TENM3: variants seen among roughly 807,000 people sequenced by gnomAD.
The protein encoded by TENM3 is teneurin-3.
A neutral mutation model predicts 255.1 loss-of-function variants in TENM3; 63 were observed. That is an observed-to-expected ratio of 0.25 (90% CI 0.20 to 0.30). The LOEUF is 0.30. Among genes scored for constraint, TENM3 ranks in the 10% least tolerant of loss-of-function variants. The pLI is 1.00. For missense variants in TENM3, 2,929 were observed against 3,461.1 expected, an observed-to-expected ratio of 0.85 and a Z score of 3.86; for synonymous variants, 1,306 against 1,322.3, an observed-to-expected ratio of 0.99 and a Z score of 0.27.
intron 1 of TENM3, among the ~76,000 whole-genome samples, chr4:182,214,553 CG>C (rs1450404163): frequency 7.2e-6 from 1 of 138,458 alleles, no homozygotes; most frequent in Non-Finnish European, 1.5e-5. Context: ...TTTTTAGGGA[CG>C]GGGGTCTTGC....
intron 13 of TENM3, 91 bp from the exon 14 acceptor site, chr4:182,728,874 A>G (rs1579261594): frequency 1.3e-4 from 1 of 7,960 alleles, no homozygotes; most frequent in Non-Finnish European, 1.9e-4. Flanking sequence ...ACTTGATGTG[A>G]AAAAAAAAAA....
intron 3 of TENM3, among the ~76,000 whole-genome samples, chr4:182,352,029 A>C (rs1003764890): frequency 1.2e-4 from 19 of 152,192 alleles, no homozygotes; most frequent in Non-Finnish European, 2.6e-4. Context: ...TTAAATAAAC[A>C]ATATCAAGTG....
At chr4:182,542,289 A>G (rs990652506) in intron 3 of TENM3, among the ~76,000 whole-genome samples, 1 of 152,098 alleles carries the variant, frequency 6.6e-6, no homozygotes, top group Non-Finnish European at 1.5e-5. Flanking sequence ...AAATGCCTTG[A>G]GTTCTGGCTC....
At chr4:182,464,499 C>T (rs1251569384) in intron 3 of TENM3, among the ~76,000 whole-genome samples, 4 of 152,146 alleles carry the variant, frequency 2.6e-5, no homozygotes, top group Admixed American at 6.5e-5. Context: ...TCAGGTGATC[C>T]GCCCATCTCT....
the TENM3 span, among the ~76,000 whole-genome samples, chr4:182,106,140 C>T: frequency 6.6e-6 from 1 of 152,146 alleles, no homozygotes; most frequent in African/African-American, 2.4e-5. Context: ...ACCACCAGGG[C>T]AAAGGCCAGA....
chr4:182,213,494 T>C (rs1755192772), intron 1 of TENM3, among the ~76,000 whole-genome samples: 1 of 152,228 alleles, frequency 6.6e-6, no homozygotes, highest in African/African-American at 2.4e-5. Flanking sequence ...CCATAATTCA[T>C]AACAAATGTG....
chr4:182,257,490 C>G (rs554621332), intron 1 of TENM3, among the ~76,000 whole-genome samples: 1 of 152,050 alleles, frequency 6.6e-6, no homozygotes, highest in African/African-American at 2.4e-5. Flanking sequence ...GGGAAAAAAG[C>G]AAAATAATGA....
intron 3 of TENM3, among the ~76,000 whole-genome samples, chr4:182,429,172 C>A (rs1024845690): frequency 1.3e-5 from 2 of 152,090 alleles, no homozygotes; most frequent in African/African-American, 2.4e-5. Flanking sequence ...GTGTGATTTG[C>A]CAATTCACAC....
At chr4:182,228,392 G>GTA (rs59926138) in intron 1 of TENM3, among the ~76,000 whole-genome samples, 28,376 of 104,564 alleles carry the variant, frequency 0.27, 6,633 homozygotes, top group Admixed American at 0.4. Flanking sequence ...GTGTGTGTGT[G>GTA]TATATGTAAT....
chr4:182,109,687 T>C, the TENM3 span, among the ~76,000 whole-genome samples: 1 of 152,170 alleles, frequency 6.6e-6, no homozygotes, highest in South Asian at 2.1e-4. Context: ...CATACTGAGG[T>C]CCGAATTTCA....
the TENM3 span, among the ~76,000 whole-genome samples, chr4:181,676,994 T>G: frequency 6.6e-6 from 1 of 151,430 alleles, no homozygotes; most frequent in Non-Finnish European, 1.5e-5. Flanking sequence ...TTTATCTTTT[T>G]TTTTTTTTTT....
the TENM3 span, among the ~76,000 whole-genome samples, chr4:181,779,370 C>T: frequency 6.6e-6 from 1 of 151,744 alleles, no homozygotes; most frequent in African/African-American, 2.4e-5. Context: ...TTAGCCAGTT[C>T]TAAACAAGAA....
intron 6 of TENM3, among the ~76,000 whole-genome samples, chr4:182,666,387 T>C (rs1754682339): frequency 6.6e-6 from 1 of 152,176 alleles, no homozygotes; most frequent in Admixed American, 6.5e-5. Context: ...AAACCTTTCA[T>C]GAAAAGAGTC....
chr4:181,970,836 A>C, the TENM3 span, among the ~76,000 whole-genome samples: 1 of 152,256 alleles, frequency 6.6e-6, no homozygotes, highest in Non-Finnish European at 1.5e-5. Context: ...ATAAATAAAA[A>C]TAAATGATAT....
At chr4:182,434,809 A>G (rs1771931072) in intron 3 of TENM3, among the ~76,000 whole-genome samples, 1 of 152,156 alleles carries the variant, frequency 6.6e-6, no homozygotes, top group Non-Finnish European at 1.5e-5. Context: ...GGAATCTCCA[A>G]TTAGAGGACC....
intron 3 of TENM3, among the ~76,000 whole-genome samples, chr4:182,498,882 A>G (rs979914619): frequency 6.6e-6 from 1 of 152,022 alleles, no homozygotes; most frequent in Non-Finnish European, 1.5e-5. Flanking sequence ...TCAGCGTCTT[A>G]TTAAGAGTCA....
chr4:182,724,990 A>G (rs1346882217), intron 13 of TENM3, among the ~76,000 whole-genome samples: 3 of 152,138 alleles, frequency 2.0e-5, no homozygotes, highest in Non-Finnish European at 4.4e-5. Flanking sequence ...AACATCAAAC[A>G]TATAACTATG....
the TENM3 span, among the ~76,000 whole-genome samples, chr4:181,940,441 C>T: frequency 6.6e-6 from 1 of 151,934 alleles, no homozygotes; most frequent in African/African-American, 2.4e-5. Context: ...TCCTGCTCTA[C>T]TGAAAAAAAA....
chr4:181,669,639 C>T, the TENM3 span, among the ~76,000 whole-genome samples: 40,054 of 152,032 alleles, frequency 0.26, 6,507 homozygotes, highest in Non-Finnish European at 0.36. Flanking sequence ...ACCAGATACC[C>T]CCAGCGTATC....
Sources: allele counts gnomAD v4.1 joint callset (sites outside exome capture counted in the v4.1 genomes callset), GRCh38; gene constraint gnomAD v4.1.1; transcripts MANE v1.5; gene names NCBI Gene and HGNC (gene_info 2026-07-23, HGNC 2026-07-21).